The following DTNA variants were observed in gnomAD, a reference collection of about 807,000 sequenced individuals.
DTNA encodes the protein dystrophin-related protein 3.
A neutral mutation model predicts 100.7 loss-of-function variants in DTNA; 43 were observed. That is an observed-to-expected ratio of 0.43 (90% CI 0.33 to 0.55). DTNA has a LOEUF of 0.55. Ranked by LOEUF, DTNA falls within the 20% of genes least tolerant of loss-of-function variation. The pLI, the probability that DTNA is intolerant of heterozygous loss-of-function variation, is 0.04. For missense variants in DTNA, 798 were observed against 953.9 expected, an observed-to-expected ratio of 0.84 and a Z score of 2.15; for synonymous variants, 349 against 347.9, an observed-to-expected ratio of 1.00 and a Z score of -0.04.
chr18:34,686,627 T>C (rs1364236069), intron 1 of DTNA, among the ~76,000 whole-genome samples: 6 of 152,212 alleles, frequency 3.9e-5, no homozygotes, highest in African/African-American at 1.4e-4. Flanking sequence ...TGCCAGGTTT[T>C]GGTATCAGGA....
At chr18:34,766,592 C>T (rs906279536) in intron 3 of DTNA, among the ~76,000 whole-genome samples, 3 of 152,070 alleles carry the variant, frequency 2.0e-5, no homozygotes, top group African/African-American at 7.2e-5. Flanking sequence ...TTAATGGGTG[C>T]AGCACACCAA....
chr18:34,644,209 A>G (rs1267723192), intron 1 of DTNA, among the ~76,000 whole-genome samples: 2 of 152,168 alleles, frequency 1.3e-5, no homozygotes, highest in Admixed American at 6.5e-5. Context: ...GTGGAAGTAC[A>G]TATAGAGAGA....
At chr18:34,533,287 A>C (rs1601567386) in intron 1 of DTNA, among the ~76,000 whole-genome samples, 1 of 150,894 alleles carries the variant, frequency 6.6e-6, no homozygotes, top group African/African-American at 2.4e-5. Flanking sequence ...CAGGAGAAAC[A>C]CTTGAACCCG....
chr18:34,551,966 C>T (rs1195435458), intron 1 of DTNA, among the ~76,000 whole-genome samples: 1 of 151,980 alleles, frequency 6.6e-6, no homozygotes, highest in African/African-American at 2.4e-5. Flanking sequence ...AGACTCTTTT[C>T]CCACTCAGAA....
intron 1 of DTNA, among the ~76,000 whole-genome samples, chr18:34,666,906 C>A (rs1262808170): frequency 6.6e-6 from 1 of 152,246 alleles, no homozygotes; most frequent in East Asian, 1.9e-4. Context: ...GCGATGCGGG[C>A]TCTTTTTTGG....
intron 1 of DTNA, among the ~76,000 whole-genome samples, chr18:34,662,582 C>T (rs1484624941): frequency 2.6e-5 from 4 of 152,178 alleles, no homozygotes; most frequent in Non-Finnish European, 5.9e-5. Context: ...CTGCATGTAA[C>T]TTATACTCAC....
At chr18:34,577,412 T>C (rs998873394) in intron 1 of DTNA, among the ~76,000 whole-genome samples, 1 of 152,230 alleles carries the variant, frequency 6.6e-6, no homozygotes, top group Admixed American at 6.5e-5. Flanking sequence ...TTATTCAGTC[T>C]GATAATGGAA....
intron 1 of DTNA, among the ~76,000 whole-genome samples, chr18:34,581,039 A>T (rs1292231701): frequency 6.6e-6 from 1 of 152,070 alleles, no homozygotes; most frequent in Non-Finnish European, 1.5e-5. Context: ...AGGTCAGGAA[A>T]TTGAGACCAT....
intron 1 of DTNA, among the ~76,000 whole-genome samples, chr18:34,605,448 A>G (rs1271414201): frequency 6.6e-6 from 1 of 152,176 alleles, no homozygotes; most frequent in East Asian, 1.9e-4. Context: ...ATTTGGGTAA[A>G]TTTTAGAGCT....
At chr18:34,629,157 C>A (rs1400836603) in intron 1 of DTNA, among the ~76,000 whole-genome samples, 2 of 152,136 alleles carry the variant, frequency 1.3e-5, no homozygotes, top group African/African-American at 4.8e-5. Flanking sequence ...AAAGAACAAT[C>A]CTCACTACAG....
chr18:34,829,506 T>A lies in DTNA; in HGVS notation c.1175+17T>A. 6.7e-7 allele frequency: 1 copy of A among 1,500,942 alleles called. No homozygotes were observed. Among genetic ancestry groups the A allele is most frequent in the Non-Finnish European group, 8.9e-7 (1 of 1,124,022 alleles). The allele number at this position is 1,500,942 out of a possible 1,614,324, so 93.0% of individuals were successfully genotyped here. ...CGGTGCACGGTCAGTATCCCAGCCC[T>A]GAATTGCTAATCGTAGTAGTAGTTC... is the stretch of plus-strand genomic sequence containing the variant. On this transcript the variant is annotated intron_variant, in intron 11 of 22. Transcript: ENST00000444659.
intron 3 of DTNA, among the ~76,000 whole-genome samples, chr18:34,775,637 T>C (rs2094008073): frequency 6.6e-6 from 1 of 152,218 alleles, no homozygotes; most frequent in Non-Finnish European, 1.5e-5. Context: ...AATCACTAGA[T>C]GTTGGGAGAC....
intron 1 of DTNA, among the ~76,000 whole-genome samples, chr18:34,554,862 T>G (rs2045858261): frequency 6.6e-6 from 1 of 150,830 alleles, no homozygotes; most frequent in Non-Finnish European, 1.5e-5. Context: ...TCTGCCCGGC[T>G]TTGGTATCAG....
chr18:34,626,374 C>T (rs1348172745), intron 1 of DTNA, among the ~76,000 whole-genome samples: 1 of 151,602 alleles, frequency 6.6e-6, no homozygotes, highest in Non-Finnish European at 1.5e-5. Context: ...GGAAATGCTC[C>T]ATGAAAAGAA....
At chr18:34,752,491 C>T (rs1178795394) in intron 1 of DTNA, among the ~76,000 whole-genome samples, 1 of 152,188 alleles carries the variant, frequency 6.6e-6, no homozygotes, top group Non-Finnish European at 1.5e-5. Flanking sequence ...TTACTTTGTC[C>T]TAGAGTCCCT....
intron 1 of DTNA, among the ~76,000 whole-genome samples, chr18:34,570,274 C>G (rs756483990): frequency 2.0e-5 from 3 of 152,186 alleles, no homozygotes; most frequent in Admixed American, 6.5e-5. Flanking sequence ...GCATTGTAGG[C>G]ACTCAATAAA....
chr18:34,498,280 G>T (rs2039485661), intron 1 of DTNA, among the ~76,000 whole-genome samples: 1 of 151,750 alleles, frequency 6.6e-6, no homozygotes, highest in African/African-American at 2.4e-5. Context: ...GATTAGCTGG[G>T]GGTGGTGGCA....
rs564181769 is a variant in DTNA at position 34,889,790 on chromosome 18, C to T, written c.*2056C>T. On this transcript the variant is annotated 3_prime_UTR_variant, in exon 23 of 23. Transcript: ENST00000444659. Reference sequence around the variant, plus strand: ...CTCACCTGACAAATGTCTCTGAGCACAGGCTGACACCAAAGTGGCACAACT... The same window carrying T: ...CTCACCTGACAAATGTCTCTGAGCATAGGCTGACACCAAAGTGGCACAACT... 12 of 987,050 alleles carry T rather than the reference C, an allele frequency of 1.2e-5. No individual in the cohort carries two copies. The highest frequency in any genetic ancestry group is 1.1e-4 in the East Asian group (1 of 8,848). 61.1% of individuals were successfully genotyped at this position (987,050 alleles called of 1,614,324 possible).
chr18:34,659,734 A>G (rs1441851684), intron 1 of DTNA, among the ~76,000 whole-genome samples: 2 of 152,076 alleles, frequency 1.3e-5, no homozygotes, highest in Non-Finnish European at 2.9e-5. Context: ...ACTTCCTCTC[A>G]CCAGCCCTTT....
Sources: gnomAD v4.1 joint callset for allele counts (sites outside exome capture counted in the v4.1 genomes callset) on GRCh38, gnomAD v4.1.1 for gene constraint, MANE v1.5 for transcripts, NCBI Gene and HGNC (gene_info 2026-07-23, HGNC 2026-07-21) for gene names.